Variants in RAB28 observed in about 807,000 individuals in gnomAD.
RAB28 encodes the protein ras-related protein Rab-28.
A neutral mutation model predicts 31.7 loss-of-function variants in RAB28; 24 were observed. The observed-to-expected ratio is 0.76, with a 90% CI of 0.55 to 1.06. The LOEUF (loss-of-function observed/expected upper bound fraction) is 1.06, where lower values mean the gene tolerates loss of function less well. RAB28 is among the 50% of genes least tolerant of loss of function. The pLI, the probability that RAB28 is intolerant of heterozygous loss-of-function variation, is 0.00. For missense variants in RAB28, 254 were observed against 258.5 expected (o/e 0.98, Z 0.12); for synonymous variants, 100 against 90.4 (o/e 1.11, Z -0.60).
chr4:13,386,048 A>C (rs1729354122), intron 4 of RAB28, among the ~76,000 whole-genome samples: 1 of 152,214 alleles, frequency 6.6e-6, no homozygotes, highest in African/African-American at 2.4e-5. Context: ...TCTACAGAGC[A>C]AAAGAAACAA....
chr4:13,461,034 T>C (rs921816319), intron 3 of RAB28, among the ~76,000 whole-genome samples: 6 of 152,212 alleles, frequency 3.9e-5, no homozygotes. Context: ...GCAACTAAGA[T>C]GCAATGCAAG....
At chr4:13,448,672 A>C (rs1161943117) in intron 4 of RAB28, among the ~76,000 whole-genome samples, 2 of 152,074 alleles carry the variant, frequency 1.3e-5, no homozygotes, top group African/African-American at 4.8e-5. Context: ...CAACAGTCTG[A>C]AGGCAAGCTT....
intron 4 of RAB28, among the ~76,000 whole-genome samples, chr4:13,438,137 T>G (rs539710686): frequency 9.8e-5 from 15 of 152,320 alleles, no homozygotes; most frequent in Admixed American, 5.9e-4. Context: ...TTCGTATGCA[T>G]GATCCAAAGT....
At chr4:13,439,390 T>C (rs1259636104) in intron 4 of RAB28, among the ~76,000 whole-genome samples, 2 of 152,244 alleles carry the variant, frequency 1.3e-5, no homozygotes, top group Non-Finnish European at 2.9e-5. Context: ...AGTCTCGCCC[T>C]GTCACCCAGG....
intron 4 of RAB28, among the ~76,000 whole-genome samples, chr4:13,386,023 A>G (rs1172286508): frequency 6.6e-6 from 1 of 152,190 alleles, no homozygotes; most frequent in African/African-American, 2.4e-5. Flanking sequence ...ACAGAATTAT[A>G]TCAAACAAAA....
chr4:13,482,899 G>C (rs1227371225), intron 1 of RAB28, among the ~76,000 whole-genome samples: 1 of 152,174 alleles, frequency 6.6e-6, no homozygotes, highest in East Asian at 1.9e-4. Flanking sequence ...CAACTGTCAG[G>C]GAGGATGCAA....
chr4:13,438,345 G>A (rs973432290), intron 4 of RAB28, among the ~76,000 whole-genome samples: 1 of 152,106 alleles, frequency 6.6e-6, no homozygotes, highest in African/African-American at 2.4e-5. Flanking sequence ...TCACTAGGTT[G>A]TGCAACCATC....
At chr4:13,421,506 T>C (rs879837385) in intron 4 of RAB28, among the ~76,000 whole-genome samples, 4 of 151,564 alleles carry the variant, frequency 2.6e-5, no homozygotes, top group East Asian at 1.9e-4. Context: ...CTTCAAACTA[T>C]ACTACAAGGC....
intron 4 of RAB28, among the ~76,000 whole-genome samples, chr4:13,455,586 T>C (rs1222490047): frequency 6.6e-6 from 1 of 152,322 alleles, no homozygotes; most frequent in African/African-American, 2.4e-5. Flanking sequence ...CGTCTCAAGA[T>C]GGCACCATGC....
At chr4:13,377,326 A>G (rs1388355376) in intron 5 of RAB28, among the ~76,000 whole-genome samples, 1 of 152,210 alleles carries the variant, frequency 6.6e-6, no homozygotes, top group Non-Finnish European at 1.5e-5. Flanking sequence ...TTCTTCATAA[A>G]TGTCCTACCA....
At chr4:13,395,547 T>A (rs1729839562) in intron 4 of RAB28, among the ~76,000 whole-genome samples, 1 of 152,094 alleles carries the variant, frequency 6.6e-6, no homozygotes, top group Admixed American at 6.6e-5. Flanking sequence ...TACTTTTCTT[T>A]TTAGGTACTA....
chr4:13,439,671 C>A (rs920568061), intron 4 of RAB28, among the ~76,000 whole-genome samples: 1 of 152,146 alleles, frequency 6.6e-6, no homozygotes, highest in Non-Finnish European at 1.5e-5. Flanking sequence ...CCTATGTTTT[C>A]GTCTAAGATT....
At chr4:13,453,469 G>A (rs1428455379) in intron 4 of RAB28, among the ~76,000 whole-genome samples, 1 of 152,112 alleles carries the variant, frequency 6.6e-6, no homozygotes, top group Non-Finnish European at 1.5e-5. Flanking sequence ...GTGTTCTCAT[G>A]ATGGTGGTTA....
At chr4:13,474,709 C>T (rs1716272097) in intron 2 of RAB28, among the ~76,000 whole-genome samples, 2 of 151,528 alleles carry the variant, frequency 1.3e-5, no homozygotes, top group Non-Finnish European at 3.0e-5. Flanking sequence ...AAATGTTTTT[C>T]TTAGAGAACA....
At chr4:13,375,768 AAC>A (rs377543521) in intron 6 of RAB28, among the ~76,000 whole-genome samples, 187 of 147,778 alleles carry the variant, frequency 1.3e-3, no homozygotes, top group Middle Eastern at 3.6e-3. Flanking sequence ...ATTGTTTTAA[AAC>A]ACACACACAC....
At chr4:13,416,566 T>C (rs908142243) in intron 4 of RAB28, among the ~76,000 whole-genome samples, 7 of 152,132 alleles carry the variant, frequency 4.6e-5, no homozygotes, top group Non-Finnish European at 1.5e-5. Flanking sequence ...GGCAGAACAA[T>C]ATAATGGATG....
chr4:13,460,756 TCAC>T lies in RAB28; in HGVS notation c.331_333del (p.Val111del). ...GTTTCTGACTCCTCGCTCACTTTCT[TCAC>T]CACAGTATACCAATCTTCTAAATTC... On this transcript the variant is annotated inframe_deletion, in exon 4 of 7. Coordinates refer to ENST00000330852, the MANE Select transcript of RAB28 (RefSeq NM_001017979.3). 1 of 1,614,076 alleles carries T rather than the reference TCAC, an allele frequency of 6.2e-7. No homozygotes were observed. The highest frequency in any genetic ancestry group is 1.7e-5 in the Admixed American group (1 of 60,008).
At chr4:13,483,450 T>C (rs1157213917) in intron 1 of RAB28, among the ~76,000 whole-genome samples, 1 of 152,250 alleles carries the variant, frequency 6.6e-6, no homozygotes, top group Non-Finnish European at 1.5e-5. Flanking sequence ...GATATTAAAA[T>C]AGCAACTAGA....
At chr4:13,373,905 G>A (rs1404338384) in intron 6 of RAB28, among the ~76,000 whole-genome samples, 1 of 151,692 alleles carries the variant, frequency 6.6e-6, no homozygotes, top group Non-Finnish European at 1.5e-5. Flanking sequence ...TTCAAATGTC[G>A]CAACAACCAC....
Sources: gnomAD v4.1 joint callset for allele counts (sites outside exome capture counted in the v4.1 genomes callset) on GRCh38, gnomAD v4.1.1 for gene constraint, MANE v1.5 for transcripts, NCBI Gene and HGNC (gene_info 2026-07-23, HGNC 2026-07-21) for gene names.